The following MALRD1 variants were observed in gnomAD, a reference collection of about 807,000 sequenced individuals.
MALRD1 encodes the protein MAM and LDL-receptor class A domain-containing protein 1.
A neutral mutation model predicts 242.1 loss-of-function variants in MALRD1; 247 were observed. The ratio of observed to expected loss-of-function variants is 1.02; its 90% CI spans 0.92 to 1.13. The LOEUF is 1.13. MALRD1 is among the 50% of genes most tolerant of loss of function. The probability of loss-of-function intolerance (pLI) is 0.00; values close to 1 mark genes in which losing one functional copy is unlikely to be tolerated. For synonymous variants in MALRD1, 995 were observed against 866.6 expected (o/e 1.15, Z -2.60); for missense variants, 2,989 against 2,533.1 (o/e 1.18, Z -3.86).
chr10:19,171,482 A>ACATG (rs1834934868), intron 13 of MALRD1, among the ~76,000 whole-genome samples: 4 of 139,968 alleles, frequency 2.9e-5, no homozygotes, highest in Non-Finnish European at 4.6e-5. Flanking sequence ...ACACACACAC[A>ACATG]TATATACACA....
chr10:19,599,544 G>A (rs1241725010), intron 34 of MALRD1, among the ~76,000 whole-genome samples: 1 of 152,182 alleles, frequency 6.6e-6, no homozygotes, highest in African/African-American at 2.4e-5. Context: ...TCCTCTGATA[G>A]CCATCTTCTG....
At chr10:19,590,105 A>G (rs1837687109) in intron 33 of MALRD1, among the ~76,000 whole-genome samples, 1 of 152,096 alleles carries the variant, frequency 6.6e-6, no homozygotes, top group Non-Finnish European at 1.5e-5. Context: ...GACACAGTAC[A>G]TTTATCAAAA....
intron 38 of MALRD1, among the ~76,000 whole-genome samples, chr10:19,696,855 G>A (rs1833402324): frequency 6.6e-6 from 1 of 152,088 alleles, no homozygotes; most frequent in South Asian, 2.1e-4. Flanking sequence ...GGCAGAGGTT[G>A]CAGTGAGCTG....
At position 19,324,113 on chromosome 10, in the gene MALRD1, T is replaced by G; in HGVS notation, c.3576+8T>G. ...ACCGTTGGTTCTCTCCAGGTACTGC[T>G]TAGGCAATCACATTTTCTGAATTTT... is the stretch of plus-strand genomic sequence containing the variant. On this transcript the variant is annotated splice_region_variant and intron_variant, in intron 22 of 39. Transcript: ENST00000454679. The G allele has an allele frequency of 1.9e-6, 3 of 1,546,824 alleles. No individual in the cohort carries two copies. Among genetic ancestry groups the G allele is most frequent in the Non-Finnish European group, 2.6e-6 (3 of 1,145,340 alleles).
chr10:19,422,820 T>C (rs1833765171), intron 28 of MALRD1, among the ~76,000 whole-genome samples: 2 of 152,206 alleles, frequency 1.3e-5, no homozygotes, highest in South Asian at 2.1e-4. Flanking sequence ...CAAAAAGTGC[T>C]AAATAATGAT....
In MALRD1 at chr10:19,730,557, C is replaced by T. The variant is rs1322818110; in HGVS notation, c.6315-149C>T. On this transcript the variant is annotated intron_variant, in intron 38 of 39. Coordinates refer to ENST00000454679, the MANE Select transcript of MALRD1 (RefSeq NM_001142308.3). ...CCTGCAAAAAATAAAAAATAAAAAA[C>T]AAACTTTACTTATGGTAATACATTC... is the stretch of plus-strand genomic sequence containing the variant. 9 of 866,068 alleles carry T rather than the reference C, an allele frequency of 1.0e-5. No individual in the cohort carries two copies. The South Asian group carries it at 1.3e-4, about 13-fold the overall frequency. The allele number at this position is 866,068 out of a possible 1,614,324, so 53.6% of individuals were successfully genotyped here.
chr10:19,326,512 G>A (rs1331431750), intron 22 of MALRD1, among the ~76,000 whole-genome samples: 3 of 151,878 alleles, frequency 2.0e-5, no homozygotes, highest in Non-Finnish European at 2.9e-5. Flanking sequence ...TTAATATAAA[G>A]AAGACTCATT....
intron 11 of MALRD1, 136 bp from the exon 12 acceptor site, chr10:19,154,939 A>G (rs1227506107): frequency 4.8e-6 from 2 of 418,950 alleles, no homozygotes; most frequent in African/African-American, 2.0e-5. Flanking sequence ...TCTACAAACC[A>G]TAATAGTAAA....
chr10:19,111,586 C>T (rs1157989760), intron 5 of MALRD1, among the ~76,000 whole-genome samples: 1 of 152,220 alleles, frequency 6.6e-6, no homozygotes, highest in African/African-American at 2.4e-5. Flanking sequence ...AAGATGTTTG[C>T]ACACTTTCAA....
At chr10:19,545,795 C>T (rs1032023788) in intron 32 of MALRD1, among the ~76,000 whole-genome samples, 12 of 152,176 alleles carry the variant, frequency 7.9e-5, no homozygotes, top group East Asian at 3.9e-4. Flanking sequence ...CGTAAATTCA[C>T]GACGTTTTCA....
intron 26 of MALRD1, among the ~76,000 whole-genome samples, chr10:19,372,022 A>T (rs528910782): frequency 1.3e-5 from 2 of 152,218 alleles, no homozygotes; most frequent in Non-Finnish European, 2.9e-5. Flanking sequence ...CAGAACACAT[A>T]CAAGTGAACA....
chr10:19,298,010 G>A (rs1841785093), intron 21 of MALRD1, among the ~76,000 whole-genome samples: 1 of 151,900 alleles, frequency 6.6e-6, no homozygotes, highest in Admixed American at 6.6e-5. Context: ...TCCATTTTGT[G>A]TTGCTCTAAA....
chr10:19,367,942 A>G (rs1845176959), intron 26 of MALRD1, among the ~76,000 whole-genome samples: 1 of 151,794 alleles, frequency 6.6e-6, no homozygotes, highest in Non-Finnish European at 1.5e-5. Context: ...GCCTATTTTT[A>G]AATTGGAGTA....
intron 28 of MALRD1, among the ~76,000 whole-genome samples, chr10:19,401,281 T>C (rs1324134204): frequency 1.3e-5 from 2 of 152,228 alleles, no homozygotes; most frequent in Admixed American, 6.6e-5. Context: ...ATTGTTTCTA[T>C]AATTTTCAAT....
At chr10:19,566,457 T>A (rs1589247162) in intron 32 of MALRD1, among the ~76,000 whole-genome samples, 1 of 151,804 alleles carries the variant, frequency 6.6e-6, no homozygotes, top group African/African-American at 2.4e-5. Flanking sequence ...TAGGATAAGT[T>A]AACTGTAGCT....
intron 21 of MALRD1, among the ~76,000 whole-genome samples, chr10:19,303,553 A>C (rs888049628): frequency 6.6e-6 from 1 of 151,778 alleles, no homozygotes; most frequent in Non-Finnish European, 1.5e-5. Context: ...CTTGTACTCT[A>C]TACTGGTGCT....
chr10:19,207,699 A>G (rs1836847188), intron 17 of MALRD1, among the ~76,000 whole-genome samples: 1 of 152,086 alleles, frequency 6.6e-6, no homozygotes, highest in South Asian at 2.1e-4. Context: ...GATGGGTTTC[A>G]GCATGTTGGT....
At chr10:19,107,489 T>A (rs1836504667) in intron 5 of MALRD1, among the ~76,000 whole-genome samples, 1 of 151,920 alleles carries the variant, frequency 6.6e-6, no homozygotes. Context: ...ATATTTTTAT[T>A]CCATTCCTTT....
intron 19 of MALRD1, among the ~76,000 whole-genome samples, chr10:19,269,217 C>T (rs1053320407): frequency 6.6e-6 from 1 of 152,120 alleles, no homozygotes; most frequent in African/African-American, 2.4e-5. Flanking sequence ...ACCTTAATCC[C>T]CATTGAGATG....
Sources: allele counts gnomAD v4.1 joint callset (sites outside exome capture counted in the v4.1 genomes callset), GRCh38; gene constraint gnomAD v4.1.1; transcripts MANE v1.5; gene names NCBI Gene and HGNC (gene_info 2026-07-23, HGNC 2026-07-21).